The following RAI14 variants were observed in gnomAD, a reference collection of about 807,000 sequenced individuals.
The protein encoded by RAI14 is ankycorbin.
In RAI14, 45 loss-of-function variants were observed where a neutral mutation model predicts 115.4. That is an observed-to-expected ratio of 0.39 (90% CI 0.31 to 0.50). The LOEUF is 0.50. Among genes scored for constraint, RAI14 ranks in the 20% least tolerant of loss-of-function variants. RAI14 has a pLI of 0.85. For missense variants in RAI14, 939 were observed against 1,131.2 expected (o/e 0.83, Z 2.44); for synonymous variants, 371 against 415.4 (o/e 0.89, Z 1.30).
intron 2 of RAI14, among the ~76,000 whole-genome samples, chr5:34,731,543 C>T (rs892322336): frequency 1.3e-5 from 2 of 152,154 alleles, no homozygotes; most frequent in Admixed American, 6.5e-5. Context: ...ATTTTCCAGC[C>T]TGGATATGTG....
Position 34,830,856 on chromosome 5 carries a change from T to C in RAI14, c.*91T>C, listed in dbSNP as rs1208923621. 6.3e-7 allele frequency: 1 copy of C among 1,576,392 alleles called. No individual in the cohort carries two copies. Among genetic ancestry groups the C allele is most frequent in the Non-Finnish European group, 8.6e-7 (1 of 1,160,816 alleles). On this transcript the variant is annotated 3_prime_UTR_variant, in exon 18 of 18. Coordinates refer to ENST00000265109, the MANE Select transcript of RAI14 (RefSeq NM_015577.3). ...CAGCCGCTGCCATTGTTCTCATTCG[T>C]GGTATGCACTGTGGCCTAGCGTAGC...
At chr5:34,734,620 C>T (rs571106023) in intron 2 of RAI14, among the ~76,000 whole-genome samples, 18 of 151,238 alleles carry the variant, frequency 1.2e-4, no homozygotes, top group Admixed American at 8.5e-4. Context: ...CATTAACTGG[C>T]AGGCCAGGAA....
intron 3 of RAI14, among the ~76,000 whole-genome samples, chr5:34,790,745 GGTGT>G (rs964604251): frequency 7.0e-6 from 1 of 142,268 alleles, no homozygotes; most frequent in Non-Finnish European, 1.5e-5. Context: ...TGTGTATATG[GGTGT>G]GTGTGTGTGT....
At chr5:34,803,651 G>C in intron 4 of RAI14, 61 bp from the exon 5 acceptor site, 1 of 1,364,416 alleles carries the variant, frequency 7.3e-7, no homozygotes, top group Non-Finnish European at 1.0e-6. Context: ...ATATAAGAAA[G>C]AGATTTTTTT....
chr5:34,805,763 C>T (rs569543394), intron 5 of RAI14, among the ~76,000 whole-genome samples: 1 of 152,238 alleles, frequency 6.6e-6, no homozygotes, highest in African/African-American at 2.4e-5. Flanking sequence ...ATCACTTGAA[C>T]CTGGGAGGTG....
At chr5:34,747,370 A>G (rs1457153886) in intron 2 of RAI14, among the ~76,000 whole-genome samples, 1 of 152,238 alleles carries the variant, frequency 6.6e-6, no homozygotes, top group Admixed American at 6.5e-5. Context: ...GGGCTTTCAT[A>G]GGACTGAGTC....
chr5:34,687,832 CAGCTGCATTTTTGCAAT>C, intron 2 of RAI14: 1 of 1,352,206 alleles, frequency 7.4e-7, no homozygotes, highest in Non-Finnish European at 1.0e-6. Flanking sequence ...CAGCTTGGCA[CAGCTGCATTTTTGCAAT>C]AAATGGAGGC....
At chr5:34,777,822 G>C (rs1023055746) in intron 3 of RAI14, among the ~76,000 whole-genome samples, 1 of 151,810 alleles carries the variant, frequency 6.6e-6, no homozygotes, top group Non-Finnish European at 1.5e-5. Flanking sequence ...CATGAAGACA[G>C]AGAATAGAAT....
chr5:34,802,941 G>C (rs944892673), intron 4 of RAI14, among the ~76,000 whole-genome samples: 1 of 152,070 alleles, frequency 6.6e-6, no homozygotes, highest in Non-Finnish European at 1.5e-5. Flanking sequence ...GAGAGGAGAG[G>C]GAAATGAGAT....
chr5:34,787,429 G>T (rs942060520), intron 3 of RAI14, among the ~76,000 whole-genome samples: 1 of 152,178 alleles, frequency 6.6e-6, no homozygotes, highest in Non-Finnish European at 1.5e-5. Context: ...AAGTACTAAT[G>T]CATACTGCAA....
intron 13 of RAI14, among the ~76,000 whole-genome samples, chr5:34,819,247 T>C (rs1756585633): frequency 6.6e-6 from 1 of 152,214 alleles, no homozygotes; most frequent in East Asian, 1.9e-4. Context: ...CTAAAAATTA[T>C]GGCAGTTATT....
Position 34,748,172 on chromosome 5 carries a change from A to G in RAI14, c.37-9296A>G, listed in dbSNP as rs143150176. On this transcript the variant is annotated intron_variant, in intron 2 of 17. Coordinates refer to ENST00000265109, the MANE Select transcript of RAI14 (RefSeq NM_015577.3). ...CAGTTATGTAGAAAAGACCTCAGGA[A>G]GTGCTGACACTCTTCATTTAGGGAG... 5.8e-3 allele frequency among the ~76,000 whole-genome samples: 882 copies of G among 152,326 alleles called. 12 individuals are homozygous for G. Among genetic ancestry groups the G allele is most frequent in the African/African-American group, 0.02 (849 of 41,580 alleles).
intron 15 of RAI14, among the ~76,000 whole-genome samples, chr5:34,825,394 A>G (rs1266079598): frequency 2.6e-5 from 4 of 152,222 alleles, no homozygotes; most frequent in Non-Finnish European, 5.9e-5. Flanking sequence ...GGGGATCAGA[A>G]GTGAACCTGC....
chr5:34,808,953 A>G (rs1048833365), intron 7 of RAI14, among the ~76,000 whole-genome samples: 16 of 152,304 alleles, frequency 1.1e-4, no homozygotes, highest in African/African-American at 3.8e-4. Flanking sequence ...TATAGGCAGT[A>G]CTGCTCACTC....
Position 34,687,799 on chromosome 5 carries a change from C to T in RAI14, c.36+844C>T, listed in dbSNP as rs535917296. ...TTAAAGATGAACCTGGATTTTATTG[C>T]TTTGCCGTGAATTATATTTTGACAG... On this transcript the variant is annotated intron_variant, in intron 2 of 17. Transcript: ENST00000265109. 2.1e-5 allele frequency: 31 copies of T among 1,497,976 alleles called. No homozygotes were observed. The African/African-American group carries it at 4.0e-4, about 20-fold the overall frequency. The allele number at this position is 1,497,976 out of a possible 1,614,324, so 92.8% of individuals were successfully genotyped here. A position where few individuals can be genotyped will look rare whatever the true frequency, so the allele number is the denominator to read the frequency against.
intron 2 of RAI14, among the ~76,000 whole-genome samples, chr5:34,699,225 C>T (rs1040526737): frequency 6.6e-6 from 1 of 152,218 alleles, no homozygotes; most frequent in East Asian, 1.9e-4. Context: ...TTATACCTCT[C>T]ATTAGAGAAG....
intron 14 of RAI14, among the ~76,000 whole-genome samples, chr5:34,822,607 T>C (rs942833356): frequency 6.1e-5 from 9 of 147,472 alleles, no homozygotes; most frequent in Admixed American, 2.7e-4. Flanking sequence ...CGTACCAAAG[T>C]TGCGGATTTA....
At chr5:34,764,547 C>T (rs549788502) in intron 3 of RAI14, among the ~76,000 whole-genome samples, 44,476 of 150,844 alleles carry the variant, frequency 0.29, 9,091 homozygotes, top group African/African-American at 0.58. Context: ...TTCTCTCTCT[C>T]TCTCTCTCTC....
In RAI14 at chr5:34,757,533, G is replaced by A. The variant is rs141755161; in HGVS notation, c.102G>A (p.Lys34=). 44 of 1,613,954 alleles carry A rather than the reference G, an allele frequency of 2.7e-5. No individual in the cohort carries two copies. Among genetic ancestry groups the A allele is most frequent in the Non-Finnish European group, 3.6e-5 (43 of 1,179,980 alleles). ...CCGTGGAGAATGGAGATGCGGAGAA[G>A]GTGGCCTCACTGCTCGGCAAGAAGG... ...LQAVENGDAE[K]VASLLGKKGA... is the part of the protein sequence containing the mutation. The change falls in exon 3 of 18, where the codon AAG becomes AAA. Residue 34 remains lysine, a synonymous_variant. Coordinates refer to ENST00000265109, the MANE Select transcript of RAI14 (RefSeq NM_015577.3).
Sources: allele counts gnomAD v4.1 joint callset (sites outside exome capture counted in the v4.1 genomes callset), GRCh38; gene constraint gnomAD v4.1.1; transcripts MANE v1.5; gene names NCBI Gene and HGNC (gene_info 2026-07-23, HGNC 2026-07-21).